HMGB1: variants seen among roughly 807,000 people sequenced by gnomAD.
HMGB1 encodes high mobility group protein B1.
For synonymous variants in HMGB1, 81 were observed against 84.0 expected (o/e 0.96, Z 0.19); for missense variants, 79 against 253.5 (o/e 0.31, Z 4.67).
In HMGB1 at chr13:30,460,094, A is replaced by C. The variant is rs1487680541; in HGVS notation, c.*1263T>G. On this transcript the variant is annotated 3_prime_UTR_variant, in exon 5 of 5. Coordinates refer to ENST00000341423, the MANE Select transcript of HMGB1 (RefSeq NM_002128.7). ...CAAATTGTTCCCTAAACTCCTAAGC[A>C]GATAAACATGACTAATGAATGAGTT... 2.0e-5 allele frequency: 3 copies of C among 152,624 alleles called. No individual in the cohort carries two copies. The highest frequency in any genetic ancestry group is 1.5e-5 in the Non-Finnish European group (1 of 68,012). 9.5% of individuals were successfully genotyped at this position (152,624 alleles called of 1,614,324 possible). A position where few individuals can be genotyped will look rare whatever the true frequency, so the allele number is the denominator to read the frequency against.
intron 1 of HMGB1, among the ~76,000 whole-genome samples, chr13:30,567,501 C>A (rs1367141029): frequency 1.3e-5 from 2 of 151,982 alleles, no homozygotes; most frequent in East Asian, 3.9e-4. Flanking sequence ...AGGTGTGCAC[C>A]CCCACACCCA....
At chr13:30,562,247 A>G (rs1869989233) in intron 1 of HMGB1, among the ~76,000 whole-genome samples, 1 of 151,758 alleles carries the variant, frequency 6.6e-6, no homozygotes, top group Non-Finnish European at 1.5e-5. Flanking sequence ...CAGTGAGCCA[A>G]GGTCGCACCA....
intron 1 of HMGB1, among the ~76,000 whole-genome samples, chr13:30,483,717 G>A (rs1006348577): frequency 8.0e-5 from 12 of 149,898 alleles, no homozygotes; most frequent in African/African-American, 1.2e-4. Flanking sequence ...GGACTCAAGC[G>A]ATCCTCCCTC....
intron 1 of HMGB1, among the ~76,000 whole-genome samples, chr13:30,562,605 G>A (rs1275228817): frequency 6.6e-6 from 1 of 152,152 alleles, no homozygotes; most frequent in East Asian, 1.9e-4. Context: ...CATAATAGAA[G>A]TATAAATTAT....
At chr13:30,560,493 G>T (rs937401230) in intron 1 of HMGB1, among the ~76,000 whole-genome samples, 1 of 152,194 alleles carries the variant, frequency 6.6e-6, no homozygotes, top group Non-Finnish European at 1.5e-5. Flanking sequence ...AAATCTGAAG[G>T]TTAGGAGAAT....
At chr13:30,613,131 G>A (rs1284042365) in intron 1 of HMGB1, among the ~76,000 whole-genome samples, 1 of 152,100 alleles carries the variant, frequency 6.6e-6, no homozygotes, top group African/African-American at 2.4e-5. Context: ...CCAGGCTGGA[G>A]TGCAGAGGCA....
intron 1 of HMGB1, among the ~76,000 whole-genome samples, chr13:30,549,445 C>G (rs184371126): frequency 3.3e-5 from 5 of 152,280 alleles, no homozygotes; most frequent in Admixed American, 6.5e-5. Flanking sequence ...AGGCTGAGAG[C>G]AGTACACAAT....
At chr13:30,494,022 A>G (rs1042932710) in intron 1 of HMGB1, among the ~76,000 whole-genome samples, 1 of 152,186 alleles carries the variant, frequency 6.6e-6, no homozygotes. Flanking sequence ...AAACTCTTTC[A>G]ATGGCACACT....
intron 1 of HMGB1, chr13:30,541,801 G>C (rs946546562): frequency 3.2e-5 from 5 of 154,310 alleles, no homozygotes; most frequent in Non-Finnish European, 5.8e-5. Context: ...TATAACCAGA[G>C]TGCCCAAAGT....
In HMGB1 at chr13:30,523,528, T is replaced by G. The variant is rs368116507; in HGVS notation, c.-14-59834A>C. On this transcript the variant is annotated intron_variant, in intron 1 of 4. Transcript: ENST00000405805. ...TATATCTATCTACTGAAGCCAAGTTTTTTTTTTCAGGATTTGTCCAAAAGA... is the reference window on the plus strand; with the variant it reads ...TATATCTATCTACTGAAGCCAAGTTGTTTTTTTCAGGATTTGTCCAAAAGA... 2.6e-3 allele frequency among the ~76,000 whole-genome samples: 390 copies of G among 151,598 alleles called. 1 individual carries two copies. The highest frequency in any genetic ancestry group is 8.4e-3 in the African/African-American group (346 of 41,362).
chr13:30,586,557 G>A (rs562498414), intron 1 of HMGB1, among the ~76,000 whole-genome samples: 5 of 145,658 alleles, frequency 3.4e-5, no homozygotes, highest in Non-Finnish European at 7.5e-5. Context: ...GTGCAATCTC[G>A]GCTCACTGCA....
intron 1 of HMGB1, among the ~76,000 whole-genome samples, chr13:30,517,725 G>A (rs1888132004): frequency 6.6e-6 from 1 of 152,104 alleles, no homozygotes; most frequent in African/African-American, 2.4e-5. Context: ...TGTGATTTGG[G>A]ATTTTGCTGT....
At chr13:30,499,262 C>G (rs1389695608) in intron 1 of HMGB1, among the ~76,000 whole-genome samples, 1 of 152,100 alleles carries the variant, frequency 6.6e-6, no homozygotes, top group African/African-American at 2.4e-5. Context: ...ATGTGCCCAG[C>G]CTGGAATCAG....
intron 1 of HMGB1, among the ~76,000 whole-genome samples, chr13:30,575,110 A>C (rs1870594808): frequency 6.6e-6 from 1 of 152,254 alleles, no homozygotes. Context: ...GTGTCAGCGT[A>C]TACATTTTCA....
intron 1 of HMGB1, among the ~76,000 whole-genome samples, chr13:30,579,473 T>C (rs1478906126): frequency 1.3e-5 from 2 of 152,232 alleles, no homozygotes; most frequent in African/African-American, 4.8e-5. Flanking sequence ...ATTATTTTCG[T>C]AATAACCTCA....
intron 1 of HMGB1, chr13:30,464,680 G>A (rs1412202009): frequency 2.1e-6 from 2 of 973,092 alleles, no homozygotes; most frequent in South Asian, 4.8e-5. Context: ...CGGCGCGCAC[G>A]GAATGGCCGC....
At chr13:30,610,166 T>C (rs1454596539) in intron 1 of HMGB1, among the ~76,000 whole-genome samples, 1 of 152,248 alleles carries the variant, frequency 6.6e-6, no homozygotes, top group Non-Finnish European at 1.5e-5. Context: ...CAAAATACGT[T>C]AGTCAACAAT....
At chr13:30,583,359 T>A (rs546207652) in intron 1 of HMGB1, among the ~76,000 whole-genome samples, 1 of 151,612 alleles carries the variant, frequency 6.6e-6, no homozygotes, top group Non-Finnish European at 1.5e-5. Flanking sequence ...ATGGTGAAAC[T>A]ACATCTCTAC....
intron 1 of HMGB1, among the ~76,000 whole-genome samples, chr13:30,513,072 A>C (rs536857521): frequency 6.6e-6 from 1 of 152,292 alleles, no homozygotes; most frequent in Admixed American, 6.5e-5. Flanking sequence ...CTGAGGCAGG[A>C]GAATTGCTTG....
Sources: allele counts gnomAD v4.1 joint callset (sites outside exome capture counted in the v4.1 genomes callset), GRCh38; gene constraint gnomAD v4.1.1; transcripts MANE v1.5; gene names NCBI Gene and HGNC (gene_info 2026-07-23, HGNC 2026-07-21).